Variants in UNC13C observed in about 807,000 individuals in gnomAD.
UNC13C encodes the protein protein unc-13 homolog C.
Under a neutral mutation model 245.4 loss-of-function variants are expected in UNC13C, and 174 were observed. The observed-to-expected ratio is 0.71, with a 90% confidence interval of 0.63 to 0.80. The LOEUF is 0.80. UNC13C is among the 30% of genes least tolerant of loss of function. The pLI is 0.00. For missense variants in UNC13C, 2,829 were observed against 2,602.9 expected (o/e 1.09, Z -1.89); for synonymous variants, 992 against 895.1 (o/e 1.11, Z -1.93).
At chr15:54,368,813 C>T (rs893139067) in intron 17 of UNC13C, among the ~76,000 whole-genome samples, 9 of 152,084 alleles carry the variant, frequency 5.9e-5, no homozygotes, top group Admixed American at 2.0e-4. Flanking sequence ...AAATGTCTAT[C>T]ATGACTACGA....
intron 4 of UNC13C, among the ~76,000 whole-genome samples, chr15:54,221,283 G>A (rs553612176): frequency 6.6e-6 from 1 of 151,904 alleles, no homozygotes; most frequent in Admixed American, 6.6e-5. Context: ...TGGTGTTATA[G>A]CTCTGATGAA....
At chr15:53,886,135 G>A in the UNC13C span, among the ~76,000 whole-genome samples, 49 of 152,246 alleles carry the variant, frequency 3.2e-4, no homozygotes, top group African/African-American at 1.1e-3. Flanking sequence ...ATAGATATGT[G>A]TATTTCTATT....
At chr15:54,186,736 C>G (rs1322653220) in intron 4 of UNC13C, among the ~76,000 whole-genome samples, 1 of 151,674 alleles carries the variant, frequency 6.6e-6, no homozygotes, top group Non-Finnish European at 1.5e-5. Flanking sequence ...CTTAATCATG[C>G]AGTGGAGAAG....
At chr15:54,238,252 T>A (rs2035760100) in intron 7 of UNC13C, among the ~76,000 whole-genome samples, 3 of 152,158 alleles carry the variant, frequency 2.0e-5, no homozygotes, top group Middle Eastern at 6.8e-3. Flanking sequence ...TTTTTGTATT[T>A]TTAGTAGAGA....
intron 2 of UNC13C, among the ~76,000 whole-genome samples, chr15:54,088,465 A>G (rs1899374806): frequency 6.6e-6 from 1 of 152,200 alleles, no homozygotes; most frequent in Non-Finnish European, 1.5e-5. Flanking sequence ...CTTCCAGACA[A>G]GAGATGCTTT....
chr15:54,363,207 C>T (rs2039276908), intron 17 of UNC13C, among the ~76,000 whole-genome samples: 1 of 152,206 alleles, frequency 6.6e-6, no homozygotes, highest in South Asian at 2.1e-4. Flanking sequence ...CTCCTGGGTT[C>T]AAGTGATTCT....
At chr15:54,433,466 G>A (rs1214294301) in intron 19 of UNC13C, among the ~76,000 whole-genome samples, 1 of 151,938 alleles carries the variant, frequency 6.6e-6, no homozygotes, top group Non-Finnish European at 1.5e-5. Flanking sequence ...CACATAAACA[G>A]AACCAATGAC....
At chr15:54,528,272 G>T (rs561015555) in intron 25 of UNC13C, among the ~76,000 whole-genome samples, 1 of 151,506 alleles carries the variant, frequency 6.6e-6, no homozygotes, top group Non-Finnish European at 1.5e-5. Flanking sequence ...TGTGCCACTA[G>T]GGTTTCTGCT....
rs780018702 is a variant in UNC13C, at chr15:54,014,022, G to A, written c.1119G>A (p.Lys373=). 1.2e-6 allele frequency: 2 copies of A among 1,613,710 alleles called. No homozygotes were observed. Among genetic ancestry groups the A allele is most frequent in the African/African-American group, 1.3e-5 (1 of 74,894 alleles). ...IGHQRDCPNA[K]PRPILVYFET... is the part of the protein sequence containing the mutation. ...ACCAGAGAGACTGCCCAAATGCAAA[G>A]CCTCGACCCATACTTGTGTACTTTG... The change falls in exon 2 of 33, where the codon AAG becomes AAA. Residue 373 remains lysine, a synonymous_variant. Coordinates refer to ENST00000260323, the MANE Select transcript of UNC13C (RefSeq NM_001080534.3).
intron 8 of UNC13C, among the ~76,000 whole-genome samples, chr15:54,257,903 T>C (rs2036320438): frequency 6.6e-6 from 1 of 152,110 alleles, no homozygotes; most frequent in Non-Finnish European, 1.5e-5. Context: ...GGGTAGGGAA[T>C]GGCAACTGAA....
intron 27 of UNC13C, among the ~76,000 whole-genome samples, chr15:54,547,391 AC>A (rs1896532651): frequency 6.6e-6 from 1 of 152,210 alleles, no homozygotes; most frequent in Non-Finnish European, 1.5e-5. Flanking sequence ...GCAAAATTAG[AC>A]ACTGGTCAAG....
intron 2 of UNC13C, among the ~76,000 whole-genome samples, chr15:54,088,404 G>C (rs1899371331): frequency 6.6e-6 from 1 of 152,032 alleles, no homozygotes; most frequent in Non-Finnish European, 1.5e-5. Context: ...GGACCATGAA[G>C]GGAGAGAAAT....
In UNC13C at chr15:54,013,132, A is replaced by G. The variant is rs548878518; in HGVS notation, c.229A>G (p.Thr77Ala). 1.7e-5 allele frequency: 27 copies of G among 1,613,884 alleles called. No homozygotes were observed. In the South Asian group the frequency reaches 2.7e-4, roughly 16 times the overall value. The change falls in exon 2 of 33, where the codon ACT becomes GCT. Residue 77 changes from threonine to alanine, a missense_variant. Physicochemically the swap from Thr to Ala is moderately conservative, Grantham distance 58. Transcript: ENST00000260323. ...AKCSSTHNLS[T>A]EEDEASKEFS... is the part of the protein sequence containing the mutation. Reference sequence around the variant, plus strand: ...GTGTTCATCCACTCACAACTTATCCACTGAGGAAGACGAGGCCAGTAAAGA... The same window carrying G: ...GTGTTCATCCACTCACAACTTATCCGCTGAGGAAGACGAGGCCAGTAAAGA...
At chr15:54,342,403 A>T (rs1011499586) in intron 17 of UNC13C, among the ~76,000 whole-genome samples, 7 of 149,866 alleles carry the variant, frequency 4.7e-5, no homozygotes, top group African/African-American at 1.5e-4. Context: ...TATCTCTACA[A>T]TTTTTTTTTT....
At chr15:53,932,910 G>C in the UNC13C span, among the ~76,000 whole-genome samples, 1 of 152,086 alleles carries the variant, frequency 6.6e-6, no homozygotes, top group Non-Finnish European at 1.5e-5. Context: ...CATGCCAAAA[G>C]AGGAGCTCAT....
intron 22 of UNC13C, among the ~76,000 whole-genome samples, chr15:54,501,180 C>T (rs1348606831): frequency 6.6e-6 from 1 of 152,086 alleles, no homozygotes; most frequent in African/African-American, 2.4e-5. Flanking sequence ...ATCTTAAAAA[C>T]CTATTTATTG....
At chr15:54,197,036 A>G (rs1313679126) in intron 4 of UNC13C, among the ~76,000 whole-genome samples, 1 of 152,142 alleles carries the variant, frequency 6.6e-6, no homozygotes, top group Non-Finnish European at 1.5e-5. Context: ...GTGCCCATGT[A>G]CCCTAAAACT....
At chr15:54,204,835 T>C (rs2034657247) in intron 4 of UNC13C, among the ~76,000 whole-genome samples, 1 of 151,946 alleles carries the variant, frequency 6.6e-6, no homozygotes, top group Non-Finnish European at 1.5e-5. Context: ...GTCGACAGTA[T>C]TGGAAATCTT....
At chr15:54,339,640 G>GATATATATATATATATATATATATATAT (rs61353129) in intron 17 of UNC13C, among the ~76,000 whole-genome samples, 64 of 149,628 alleles carry the variant, frequency 4.3e-4, no homozygotes, top group African/African-American at 1.5e-3. Flanking sequence ...ATTATGTGGA[G>GATATATATATATATATATATATATATAT]ATATATATAT....
Sources: allele counts gnomAD v4.1 joint callset (sites outside exome capture counted in the v4.1 genomes callset), GRCh38; gene constraint gnomAD v4.1.1; transcripts MANE v1.5; gene names NCBI Gene and HGNC (gene_info 2026-07-23, HGNC 2026-07-21).